Variants in C6 observed in about 807,000 individuals in gnomAD.
C6 encodes the protein complement C6, also known as complement component C6.
C6 carries 101 observed loss-of-function variants against 112.9 expected under a neutral mutation model. The observed-to-expected ratio is 0.89, with a 90% CI of 0.76 to 1.06. The LOEUF (loss-of-function observed/expected upper bound fraction) is 1.06. C6 is among the 50% of genes least tolerant of loss of function. The pLI, the probability that C6 is intolerant of heterozygous loss-of-function variation, is 0.00. For synonymous variants in C6, 431 were observed against 384.1 expected, an observed-to-expected ratio of 1.12 and a Z score of -1.43; for missense variants, 1,202 against 1,104.6, an observed-to-expected ratio of 1.09 and a Z score of -1.25.
At chr5:41,217,655 G>A (rs1341600226), upstream of C6, among the ~76,000 whole-genome samples, 1 of 152,104 alleles carries the variant, frequency 6.6e-6, no homozygotes, top group Non-Finnish European at 1.5e-5. Context: ...GGAATGGAAA[G>A]AAAATGAGCT....
intron 5 of C6, among the ~76,000 whole-genome samples, chr5:41,190,669 T>C (rs1750126221): frequency 6.6e-6 from 1 of 152,224 alleles, no homozygotes; most frequent in Non-Finnish European, 1.5e-5. Context: ...TCATAAAATG[T>C]TTTCTCACAT....
chr5:41,246,764 G>T (rs1741046985), intron 1 of C6, among the ~76,000 whole-genome samples: 1 of 152,158 alleles, frequency 6.6e-6, no homozygotes, highest in Admixed American at 6.5e-5. Context: ...ACTTGATTGA[G>T]AAGAGGGCAA....
chr5:41,194,632 T>C lies in C6; in HGVS notation c.587+1160A>G, dbSNP rs116527766. 9.2e-3 allele frequency among the ~76,000 whole-genome samples: 1,407 copies of C among 152,298 alleles called. 7 individuals carry two copies. The highest frequency in any genetic ancestry group is 0.014 in the Middle Eastern group (4 of 294). On this transcript the variant is annotated intron_variant, in intron 5 of 17. Coordinates refer to ENST00000337836, the MANE Select transcript of C6 (RefSeq NM_000065.5). ...AAAGTCCAATATGAAGCAATAGAAA[T>C]TGATAGCAAACTATCTGCCTTCTGG... is the stretch of plus-strand genomic sequence containing the variant.
At chr5:41,232,673 A>T (rs933433872) in intron 1 of C6, among the ~76,000 whole-genome samples, 1 of 151,960 alleles carries the variant, frequency 6.6e-6, no homozygotes, top group African/African-American at 2.4e-5. Flanking sequence ...ATTTTAAGTC[A>T]TTCATGATCT....
chr5:41,170,171 A>G (rs1292821848), intron 9 of C6, among the ~76,000 whole-genome samples: 2 of 152,060 alleles, frequency 1.3e-5, no homozygotes, highest in Middle Eastern at 3.3e-3. Context: ...TTTCACGGAT[A>G]CTAATTTTCA....
intron 15 of C6, among the ~76,000 whole-genome samples, chr5:41,151,919 T>C (rs1746433803): frequency 6.6e-6 from 1 of 151,674 alleles, no homozygotes; most frequent in Admixed American, 6.6e-5. Context: ...GAAATTCAGA[T>C]TTTCTTACAA....
chr5:41,181,545 T>G lies in C6; in HGVS notation c.741A>C (p.Glu247Asp), dbSNP rs764068770. 1.2e-6 allele frequency: 2 copies of G among 1,613,230 alleles called. No individual in the cohort carries two copies. Among genetic ancestry groups the G allele is most frequent in the South Asian group, 2.2e-5 (2 of 91,014 alleles). ...ENVGFEVQTA[E>D]DDLKTDFYKD... ...TGTAGAAATCTGTTTTCAAGTCATC[T>G]TCTGCAGTTTGTACCTGGAGAAAAA... Residue 247 changes from glutamate to aspartate, a missense_variant, in exon 7 of 18, where the codon GAA (glutamate) becomes GAC (aspartate). Physicochemically the swap from Glu to Asp is conservative, Grantham distance 45 (BLOSUM62 2). Transcript: ENST00000337836.
At chr5:41,232,311 G>C (rs892641179) in intron 1 of C6, among the ~76,000 whole-genome samples, 1 of 152,042 alleles carries the variant, frequency 6.6e-6, no homozygotes, top group African/African-American at 2.4e-5. Flanking sequence ...ACTACTCTGA[G>C]ATAGTGGAAA....
chr5:41,149,146 TTTGA>T, intron 17 of C6, 91 bp downstream of exon 17: 2 of 1,446,800 alleles, frequency 1.4e-6, no homozygotes, highest in Non-Finnish European at 1.9e-6. Context: ...AGGAATTATT[TTTGA>T]TTAAGGATAG....
At position 41,157,247 on chromosome 5, in the gene C6, T is replaced by C. The variant is rs572648776; in HGVS notation, c.1968+1427A>G. The stretch of plus-strand genomic sequence containing the variant: ...ATATAATCTAACCTTACGAAATGAG[T>C]TAGAAGAATAATGCATCACTGTTGA... On this transcript the variant is annotated intron_variant, in intron 13 of 17. Transcript: ENST00000337836. Among the ~76,000 whole-genome samples the C allele has an allele frequency of 4.7e-4, 71 of 152,298 alleles. 1 individual carries two copies. Among genetic ancestry groups the C allele is most frequent in the African/African-American group, 1.7e-3 (71 of 41,572 alleles).
intron 5 of C6, among the ~76,000 whole-genome samples, chr5:41,191,348 C>T (rs1750197607): frequency 6.6e-6 from 1 of 152,042 alleles, no homozygotes. Flanking sequence ...AGGCATGAGC[C>T]AGCACTCCAG....
chr5:41,233,474 C>T (rs547033540), intron 1 of C6, among the ~76,000 whole-genome samples: 30 of 152,142 alleles, frequency 2.0e-4, no homozygotes, highest in African/African-American at 6.0e-4. Flanking sequence ...TGGAGAAGCT[C>T]TTCACATATA....
intron 1 of C6, among the ~76,000 whole-genome samples, chr5:41,226,186 T>TG (rs1739486976): frequency 6.6e-6 from 1 of 152,018 alleles, no homozygotes; most frequent in South Asian, 2.1e-4. Context: ...TGGGAGGAAA[T>TG]TTTTGCAATC....
Position 41,181,522 on chromosome 5 carries a change from T to C in C6, c.764A>G (p.Tyr255Cys), listed in dbSNP as rs1407099606. The change falls in exon 7 of 18, where the codon TAC (tyrosine) becomes TGC (cysteine). Residue 255 changes from tyrosine to cysteine, a missense_variant. By Grantham distance (194) the Tyr-to-Cys change is radical. Coordinates refer to ENST00000337836, the MANE Select transcript of C6 (RefSeq NM_000065.5). Reference protein sequence around the residue: ...TAEDDLKTDFYKDLTSLGHNE... With the variant: ...TAEDDLKTDFCKDLTSLGHNE... ...GTGTCCAAGAGAAGTTAAATCCTTGTAGAAATCTGTTTTCAAGTCATCTTC... is the reference window on the plus strand; with the variant it reads ...GTGTCCAAGAGAAGTTAAATCCTTGCAGAAATCTGTTTTCAAGTCATCTTC... 1.9e-6 allele frequency: 3 copies of C among 1,613,638 alleles called. No individual in the cohort carries two copies. The highest frequency in any genetic ancestry group is 2.5e-6 in the Non-Finnish European group (3 of 1,179,744).
intron 5 of C6, among the ~76,000 whole-genome samples, chr5:41,194,106 T>C (rs1750429001): frequency 6.6e-6 from 1 of 152,190 alleles, no homozygotes; most frequent in Non-Finnish European, 1.5e-5. Flanking sequence ...TTTTGTAATG[T>C]CACCCTTCAT....
At chr5:41,171,287 T>C (rs1748404212) in intron 9 of C6, among the ~76,000 whole-genome samples, 1 of 152,152 alleles carries the variant, frequency 6.6e-6, no homozygotes, top group African/African-American at 2.4e-5. Flanking sequence ...GCTGATTTAG[T>C]TGACGGTGAT....
At chr5:41,239,918 T>C (rs1219453598) in intron 1 of C6, among the ~76,000 whole-genome samples, 1 of 152,162 alleles carries the variant, frequency 6.6e-6, no homozygotes, top group Non-Finnish European at 1.5e-5. Flanking sequence ...CATCACTTTG[T>C]ATATATCATC....
At chr5:41,188,175 G>T (rs564861181) in intron 5 of C6, among the ~76,000 whole-genome samples, 1 of 152,224 alleles carries the variant, frequency 6.6e-6, no homozygotes, top group South Asian at 2.1e-4. Flanking sequence ...TGGATTGGCA[G>T]AATTTGTGTT....
In C6 at chr5:41,155,641, A is replaced by T. The variant is rs140831837; in HGVS notation, c.1969-537T>A. ...CTACTTGGGAGGCTGAAGTGGGAGG[A>T]TTGCTTGAGCCCAGAAGGTTGAGGC... On this transcript the variant is annotated intron_variant, in intron 13 of 17. Transcript: ENST00000337836. Among the ~76,000 whole-genome samples the T allele has an allele frequency of 2.1e-3, 324 of 152,236 alleles. 5 individuals are homozygous for T. The East Asian group carries it at 0.038, about 18-fold the overall frequency.
Sources: allele counts gnomAD v4.1 joint callset (sites outside exome capture counted in the v4.1 genomes callset), GRCh38; gene constraint gnomAD v4.1.1; transcripts MANE v1.5; gene names NCBI Gene and HGNC (gene_info 2026-07-23, HGNC 2026-07-21).